The following USP49 variants were observed in gnomAD, a reference collection of about 807,000 sequenced individuals.
USP49 encodes the protein ubiquitin carboxyl-terminal hydrolase 49.
A neutral mutation model predicts 58.6 loss-of-function variants in USP49; 24 were observed. That is an observed-to-expected ratio of 0.41 (90% CI 0.30 to 0.58). The LOEUF (loss-of-function observed/expected upper bound fraction) is 0.58. USP49 is among the 20% of genes least tolerant of loss of function. The probability of loss-of-function intolerance (pLI) is 0.30; values close to 1 mark genes in which losing one functional copy is unlikely to be tolerated. For missense variants in USP49, 703 were observed against 866.1 expected (o/e 0.81, Z 2.36); for synonymous variants, 408 against 365.1 (o/e 1.12, Z -1.34).
At position 41,795,816 on chromosome 6, in the gene USP49, T is replaced by TATATGACCTGCCCCTTCTTTAG. The variant is rs1477160219; in HGVS notation, c.*695_*716dup. On this transcript the variant is annotated 3_prime_UTR_variant, in exon 8 of 8. Transcript: ENST00000682992. The stretch of plus-strand genomic sequence containing the variant: ...AACATGTGCTAGTCTATTGCTTCTT[T>TATATGACCTGCCCCTTCTTTAG]ATATGACCTGCCCCTTCTTTAGAAT... The TATATGACCTGCCCCTTCTTTAG allele has an allele frequency of 8.5e-5, 13 of 152,216 alleles. No homozygotes were observed. Among genetic ancestry groups the TATATGACCTGCCCCTTCTTTAG allele is most frequent in the Non-Finnish European group, 1.6e-4 (11 of 68,042 alleles). The allele number at this position is 152,216 out of a possible 1,614,324, so 9.4% of individuals were successfully genotyped here. A position where few individuals can be genotyped will look rare whatever the true frequency, so the allele number is the denominator to read the frequency against.
chr6:41,870,919 C>T (rs897947948), intron 3 of USP49, among the ~76,000 whole-genome samples: 2 of 151,638 alleles, frequency 1.3e-5, no homozygotes, highest in East Asian at 1.9e-4. Context: ...GGTGTCGTGG[C>T]GGGTGCCTGT....
At chr6:41,823,109 G>A (rs957913072) in intron 3 of USP49, among the ~76,000 whole-genome samples, 1 of 152,096 alleles carries the variant, frequency 6.6e-6, no homozygotes, top group African/African-American at 2.4e-5. Context: ...CAAAGAGGCA[G>A]AACAATGTGT....
rs552748663 is a variant in USP49 at position 41,852,942 on chromosome 6, C to A, written c.-29+18622G>T. Among the ~76,000 whole-genome samples the A allele has an allele frequency of 2.6e-5, 4 of 152,296 alleles. No individual in the cohort carries two copies. The South Asian group carries it at 8.3e-4, about 32-fold the overall frequency. ...CAGTGGCTCACACCTGTAATCCCAG[C>A]ACTTTGAGAGGCCTAGGCGGATGGA... is the stretch of plus-strand genomic sequence containing the variant. On this transcript the variant is annotated intron_variant, in intron 3 of 7. Coordinates refer to ENST00000682992, the MANE Select transcript of USP49 (RefSeq NM_001286554.2).
chr6:41,824,243 A>G (rs566402499), intron 3 of USP49, among the ~76,000 whole-genome samples: 1 of 152,298 alleles, frequency 6.6e-6, no homozygotes, highest in African/African-American at 2.4e-5. Context: ...ATAATAAGCT[A>G]TTCTTAAACA....
intron 3 of USP49, among the ~76,000 whole-genome samples, chr6:41,829,381 C>T (rs1265608110): frequency 2.6e-5 from 4 of 151,684 alleles, no homozygotes; most frequent in African/African-American, 9.7e-5. Context: ...ATGGCACGAT[C>T]TTGGCTCACT....
intron 3 of USP49, among the ~76,000 whole-genome samples, chr6:41,843,416 G>C (rs1483766508): frequency 6.6e-6 from 1 of 152,146 alleles, no homozygotes; most frequent in African/African-American, 2.4e-5. Context: ...CATTGCGTAT[G>C]TCGGAAAAAA....
chr6:41,809,225 T>TA (rs1581995419), intron 3 of USP49, among the ~76,000 whole-genome samples: 20 of 103,016 alleles, frequency 1.9e-4, no homozygotes, highest in East Asian at 6.3e-4. Context: ...CTCTTTAAAA[T>TA]TAAAAAAAAA....
rs1772876479 is a variant in USP49, at chr6:41,795,847, G to C, written c.*686C>G. 6.6e-6 allele frequency: 1 copy of C among 152,102 alleles called. No homozygotes were observed. The highest frequency in any genetic ancestry group is 2.4e-5 in the African/African-American group (1 of 41,406). 9.4% of individuals were successfully genotyped at this position (152,102 alleles called of 1,614,324 possible). A position where few individuals can be genotyped will look rare whatever the true frequency, so the allele number is the denominator to read the frequency against. On this transcript the variant is annotated 3_prime_UTR_variant, in exon 8 of 8. Coordinates refer to ENST00000682992, the MANE Select transcript of USP49 (RefSeq NM_001286554.2). ...ACCTGCCCCTTCTTTAGAATGAAGG[G>C]GTATTCATGCCAGTCTCAGAAGTAT... is the stretch of plus-strand genomic sequence containing the variant.
intron 3 of USP49, among the ~76,000 whole-genome samples, chr6:41,852,237 A>T (rs1158384044): frequency 6.6e-6 from 1 of 152,156 alleles, no homozygotes; most frequent in African/African-American, 2.4e-5. Context: ...AGGCAGGAGA[A>T]TTACTTGAAC....
chr6:41,856,421 C>T (rs1452336356), intron 3 of USP49, among the ~76,000 whole-genome samples: 3 of 152,000 alleles, frequency 2.0e-5, no homozygotes, highest in East Asian at 1.9e-4. Context: ...AACATTTCAG[C>T]GCTCTCTCAA....
In USP49 at chr6:41,799,761, C is replaced by G. The variant is rs1165213448; in HGVS notation, c.1670+69G>C. ...CCCAACACCATAGAAGACATTTGCC[C>G]TCACCAAAGCCTTTGGAGCAGCTAT... On this transcript the variant is annotated intron_variant, in intron 6 of 7. Transcript: ENST00000682992. The G allele has an allele frequency of 3.6e-6, 5 of 1,400,998 alleles. No individual in the cohort carries two copies. The African/African-American group carries it at 7.1e-5, about 20-fold the overall frequency. The allele number at this position is 1,400,998 out of a possible 1,614,324, so 86.8% of individuals were successfully genotyped here.
intron 3 of USP49, among the ~76,000 whole-genome samples, chr6:41,846,199 C>A (rs1773918810): frequency 6.6e-6 from 1 of 152,096 alleles, no homozygotes; most frequent in African/African-American, 2.4e-5. Flanking sequence ...ACCTGTTAAT[C>A]CCAGCTACTT....
At chr6:41,802,432 A>AT (rs772710803) in intron 5 of USP49, among the ~76,000 whole-genome samples, 2,783 of 57,970 alleles carry the variant, frequency 0.048, 83 homozygotes, top group East Asian at 0.098. Context: ...ATTTTATTTT[A>AT]TTTATTTATT....
intron 3 of USP49, among the ~76,000 whole-genome samples, chr6:41,820,045 TAG>T (rs1163221295): frequency 6.6e-6 from 1 of 152,162 alleles, no homozygotes; most frequent in East Asian, 1.9e-4. Flanking sequence ...ATCAGAAACC[TAG>T]AGACACAGCA....
chr6:41,871,155 C>G (rs1582033152), intron 3 of USP49, among the ~76,000 whole-genome samples: 2 of 152,294 alleles, frequency 1.3e-5, no homozygotes, highest in East Asian at 3.9e-4. Flanking sequence ...CACATCTGCA[C>G]TTGCTCAAAT....
intron 3 of USP49, among the ~76,000 whole-genome samples, chr6:41,850,585 T>C (rs897241452): frequency 6.6e-6 from 1 of 151,678 alleles, no homozygotes; most frequent in Non-Finnish European, 1.5e-5. Context: ...ACAAACTGGA[T>C]AACCTAGAAT....
chr6:41,861,473 G>C (rs1774221481), intron 3 of USP49, among the ~76,000 whole-genome samples: 1 of 152,040 alleles, frequency 6.6e-6, no homozygotes, highest in Non-Finnish European at 1.5e-5. Context: ...TCCAATATAA[G>C]TATAGAACAT....
At chr6:41,880,832 G>A (rs1376784763) in intron 2 of USP49, among the ~76,000 whole-genome samples, 3 of 152,098 alleles carry the variant, frequency 2.0e-5, no homozygotes, top group Non-Finnish European at 4.4e-5. Flanking sequence ...TCCGTAAGAA[G>A]GCAAAGGAAA....
chr6:41,879,448 G>T (rs926380538), intron 2 of USP49, among the ~76,000 whole-genome samples: 5 of 152,060 alleles, frequency 3.3e-5, no homozygotes, highest in African/African-American at 1.2e-4. Context: ...ATATTAAGGG[G>T]AAGCCCAAAT....
Sources: allele counts gnomAD v4.1 joint callset (sites outside exome capture counted in the v4.1 genomes callset), GRCh38; gene constraint gnomAD v4.1.1; transcripts MANE v1.5; gene names NCBI Gene and HGNC (gene_info 2026-07-23, HGNC 2026-07-21).